Variants in METTL21A observed in about 807,000 individuals in gnomAD.
METTL21A encodes protein N-lysine methyltransferase METTL21A.
A neutral mutation model predicts 20.9 loss-of-function variants in METTL21A; 22 were observed. That is an observed-to-expected ratio of 1.05 (90% CI 0.75 to 1.50). The LOEUF (loss-of-function observed/expected upper bound fraction) is 1.50. Among genes scored for constraint, METTL21A ranks in the 40% most tolerant of loss-of-function variants. The pLI, the probability that METTL21A is intolerant of heterozygous loss-of-function variation, is 0.00. For synonymous variants in METTL21A, 93 were observed against 102.0 expected, an observed-to-expected ratio of 0.91 and a Z score of 0.53; for missense variants, 271 against 266.8, an observed-to-expected ratio of 1.02 and a Z score of -0.11.
intron 3 of METTL21A, among the ~76,000 whole-genome samples, chr2:207,592,017 T>C (rs903901896): frequency 1.3e-5 from 2 of 152,344 alleles, no homozygotes; most frequent in Non-Finnish European, 2.9e-5. Context: ...TTTACATTTC[T>C]TAGAAAATAG....
At chr2:207,597,075 T>C in intron 3 of METTL21A, 1 of 1,585,764 alleles carries the variant, frequency 6.3e-7, no homozygotes, top group Non-Finnish European at 8.5e-7. Flanking sequence ...ATTTAAATTT[T>C]CACCTGTTAA....
rs58013876 is a variant in METTL21A, at chr2:207,588,728, GTTT to G, written c.260-6571_260-6569del. Among the ~76,000 whole-genome samples, 104 of 134,936 alleles carry G rather than the reference GTTT, an allele frequency of 7.7e-4. 1 individual carries two copies. Among genetic ancestry groups the G allele is most frequent in the Admixed American group, 2.1e-3 (30 of 13,976 alleles). 88.5% of individuals were successfully genotyped at this position (134,936 alleles called of 152,430 possible). A position where few individuals can be genotyped will look rare whatever the true frequency, so the allele number is the denominator to read the frequency against. ...ATACCCAAGTATGAACTGTTTTCTG[GTTT>G]TTTTTTTTTTTGTGTGTGGGGGTGG... On this transcript the variant is annotated intron_variant, in intron 3 of 3. Transcript: ENST00000425132.
intron 3 of METTL21A, among the ~76,000 whole-genome samples, chr2:207,586,706 AAAAC>A (rs770680495): frequency 2.6e-4 from 39 of 152,352 alleles, no homozygotes; most frequent in Middle Eastern, 3.4e-3. Context: ...ACCGAACAGG[AAAAC>A]AAACAAAAAT....
At chr2:207,593,362 C>A (rs962204820) in intron 3 of METTL21A, among the ~76,000 whole-genome samples, 2 of 152,082 alleles carry the variant, frequency 1.3e-5, no homozygotes, top group African/African-American at 4.8e-5. Flanking sequence ...ACTGTCTCTA[C>A]AAAAAATAAT....
chr2:207,624,515 A>C, intron 1 of METTL21A, 111 bp from the exon 2 acceptor site: 1 of 955,282 alleles, frequency 1.0e-6, no homozygotes, highest in Non-Finnish European at 1.4e-6. Flanking sequence ...GAAAAAAAGA[A>C]ACAGGTGGAG....
chr2:207,613,708 G>T (rs187860929), intron 3 of METTL21A, among the ~76,000 whole-genome samples: 42 of 152,368 alleles, frequency 2.8e-4, no homozygotes, highest in Non-Finnish European at 5.9e-5. Flanking sequence ...AATTGGCTGG[G>T]TGTGGTGGCT....
At chr2:207,624,378 C>T (rs1434291277) in exon 2 of METTL21A, 1 of 1,611,906 alleles carries the variant, frequency 6.2e-7, no homozygotes, top group South Asian at 1.1e-5. Context: ...AGGGCCATTC[C>T]GCCTGCACCC....
At chr2:207,600,968 C>T (rs2086947016) in intron 3 of METTL21A, 1 of 160,612 alleles carries the variant, frequency 6.2e-6, no homozygotes, top group Non-Finnish European at 1.2e-5. Flanking sequence ...CAGCCACAGT[C>T]AGCTATTACC....
intron 3 of METTL21A, chr2:207,603,102 C>A (rs1197688690): frequency 4.7e-6 from 1 of 210,772 alleles, no homozygotes. Context: ...AAATAAATAA[C>A]TATAATGAGG....
intron 3 of METTL21A, among the ~76,000 whole-genome samples, chr2:207,592,860 T>C (rs2085328469): frequency 6.9e-6 from 1 of 145,042 alleles, no homozygotes; most frequent in Non-Finnish European, 1.5e-5. Context: ...TTGCAGTGAG[T>C]CCAGATTGCA....
intron 3 of METTL21A, among the ~76,000 whole-genome samples, chr2:207,603,627 A>G (rs557221467): frequency 4.1e-4 from 63 of 152,342 alleles, no homozygotes; most frequent in Non-Finnish European, 6.5e-4. Context: ...CTGTTTTTCA[A>G]TAAGATTGAA....
At chr2:207,593,438 G>A (rs2085465518) in intron 3 of METTL21A, among the ~76,000 whole-genome samples, 1 of 152,180 alleles carries the variant, frequency 6.6e-6, no homozygotes, top group Non-Finnish European at 1.5e-5. Context: ...GTTGAGGCAG[G>A]AAGATCACTT....
At chr2:207,584,369 GAT>G (rs924766035) in intron 3 of METTL21A, among the ~76,000 whole-genome samples, 2 of 151,578 alleles carry the variant, frequency 1.3e-5, no homozygotes, top group East Asian at 3.9e-4. Flanking sequence ...TGGTATAATG[GAT>G]ATCTTATGGT....
intron 3 of METTL21A, among the ~76,000 whole-genome samples, chr2:207,619,541 C>T (rs1270805595): frequency 6.6e-6 from 1 of 152,062 alleles, no homozygotes; most frequent in East Asian, 1.9e-4. Flanking sequence ...CAGAGAAATG[C>T]TTATGACATA....
chr2:207,600,717 C>T (rs2086897904), intron 3 of METTL21A: 1 of 211,920 alleles, frequency 4.7e-6, no homozygotes, highest in African/African-American at 2.3e-5. Context: ...TCTCTGAAAG[C>T]ACAATACCAG....
downstream of METTL21A, among the ~76,000 whole-genome samples, chr2:207,607,728 T>C (rs1257144348): frequency 2.0e-5 from 2 of 101,976 alleles, no homozygotes; most frequent in Non-Finnish European, 4.3e-5. Context: ...TTGGTATTAA[T>C]TGGGGGAAAA....
chr2:207,620,984 G>A (rs565393886), intron 3 of METTL21A, among the ~76,000 whole-genome samples: 1 of 152,230 alleles, frequency 6.6e-6, no homozygotes, highest in South Asian at 2.1e-4. Flanking sequence ...CATTTCTACT[G>A]CTTGTTAGAA....
chr2:207,618,906 G>A (rs1363601265), intron 3 of METTL21A, among the ~76,000 whole-genome samples: 1 of 152,072 alleles, frequency 6.6e-6, no homozygotes, highest in African/African-American at 2.4e-5. Context: ...AACTAAGAAC[G>A]AGGATTTGAG....
downstream of METTL21A, among the ~76,000 whole-genome samples, chr2:207,607,469 T>C (rs1407603219): frequency 6.6e-6 from 1 of 151,654 alleles, no homozygotes; most frequent in African/African-American, 2.4e-5. Context: ...GGAGCATAAA[T>C]TGTATTTGCT....
Sources: allele counts gnomAD v4.1 joint callset (sites outside exome capture counted in the v4.1 genomes callset), GRCh38; gene constraint gnomAD v4.1.1; transcripts MANE v1.5; gene names NCBI Gene and HGNC (gene_info 2026-07-23, HGNC 2026-07-21).